SENP7: variants seen among roughly 807,000 people sequenced by gnomAD.
SENP7 encodes the protein SUMO specific peptidase 7.
Under a neutral mutation model 141.2 loss-of-function variants are expected in SENP7, and 64 were observed. The ratio of observed to expected loss-of-function variants is 0.45; its 90% CI spans 0.37 to 0.56. SENP7 has a LOEUF of 0.56. Among genes scored for constraint, SENP7 ranks in the 20% least tolerant of loss-of-function variants. The pLI is 0.00. For missense variants in SENP7, 1,025 were observed against 1,212.2 expected, an observed-to-expected ratio of 0.85 and a Z score of 2.29; for synonymous variants, 382 against 426.4, an observed-to-expected ratio of 0.90 and a Z score of 1.28.
intron 23 of SENP7, among the ~76,000 whole-genome samples, chr3:101,326,914 T>TAC (rs2058915464): frequency 6.6e-6 from 1 of 151,780 alleles, no homozygotes; most frequent in Admixed American, 6.6e-5. Flanking sequence ...CTCTGGGCTA[T>TAC]AGCTGGAGTT....
At chr3:101,417,417 A>G (rs562281271) in intron 5 of SENP7, among the ~76,000 whole-genome samples, 176 bp downstream of exon 5, 9 of 152,286 alleles carry the variant, frequency 5.9e-5, no homozygotes, top group African/African-American at 2.2e-4. Flanking sequence ...AAGTACAGAA[A>G]CATCAGCTAA....
At chr3:101,485,843 T>C (rs2064704095) in intron 3 of SENP7, among the ~76,000 whole-genome samples, 1 of 151,638 alleles carries the variant, frequency 6.6e-6, no homozygotes, top group African/African-American at 2.4e-5. Flanking sequence ...TGAAGTCCAA[T>C]GCAAGGAAAT....
intron 3 of SENP7, among the ~76,000 whole-genome samples, chr3:101,472,743 C>T (rs375705201): frequency 2.0e-5 from 3 of 152,014 alleles, no homozygotes; most frequent in East Asian, 3.9e-4. Flanking sequence ...AAATCATTAA[C>T]AAAATGAGTA....
At chr3:101,480,664 G>A (rs1416588893) in intron 3 of SENP7, among the ~76,000 whole-genome samples, 4 of 152,036 alleles carry the variant, frequency 2.6e-5, no homozygotes, top group Non-Finnish European at 5.9e-5. Context: ...CTTCTGTACG[G>A]CTAAGGAAAC....
chr3:101,358,407 T>C (rs2059801812), intron 11 of SENP7: 1 of 445,992 alleles, frequency 2.2e-6, no homozygotes, highest in Non-Finnish European at 4.3e-6. Context: ...AGATAATTTA[T>C]ACTGGAGAGA....
At chr3:101,401,694 A>G (rs1406508091) in intron 5 of SENP7, among the ~76,000 whole-genome samples, 2 of 152,212 alleles carry the variant, frequency 1.3e-5, no homozygotes, top group Non-Finnish European at 2.9e-5. Flanking sequence ...AACTCAGAGC[A>G]AGATACTCTC....
chr3:101,513,037 C>T lies in SENP7; in HGVS notation c.40+54G>A. 7 of 1,594,540 alleles carry T rather than the reference C, an allele frequency of 4.4e-6. No individual in the cohort carries two copies. The South Asian group carries it at 7.7e-5, about 18-fold the overall frequency. The stretch of plus-strand genomic sequence containing the variant: ...AACCCCAGCTGCCGCCTGCGCCTCC[C>T]GTTTCCCCCGGGTAGGAGACAATAT... On this transcript the variant is annotated intron_variant, in intron 1 of 23. Coordinates refer to ENST00000394095, the MANE Select transcript of SENP7 (RefSeq NM_020654.5).
chr3:101,364,801 T>C (rs376916670), intron 10 of SENP7, 33 bp downstream of exon 10: 10 of 1,427,348 alleles, frequency 7.0e-6, no homozygotes, highest in Non-Finnish European at 9.6e-6. Flanking sequence ...GTACATTTCA[T>C]TGTTAATCTA....
intron 3 of SENP7, among the ~76,000 whole-genome samples, chr3:101,493,469 G>A (rs1038718957): frequency 1.1e-4 from 16 of 152,108 alleles, no homozygotes; most frequent in Non-Finnish European, 2.2e-4. Context: ...GCTTAAAAAT[G>A]AGATAAAGTC....
At chr3:101,372,632 T>G (rs2060212601) in intron 6 of SENP7, among the ~76,000 whole-genome samples, 1 of 151,880 alleles carries the variant, frequency 6.6e-6, no homozygotes, top group Non-Finnish European at 1.5e-5. Flanking sequence ...AATAACAAAT[T>G]TTGGAATGAT....
chr3:101,384,400 GC>G (rs1390533641), intron 6 of SENP7, among the ~76,000 whole-genome samples: 1 of 152,242 alleles, frequency 6.6e-6, no homozygotes, highest in Non-Finnish European at 1.5e-5. Context: ...CCTTAAGGGA[GC>G]CCACCTAAGA....
At chr3:101,497,891 T>C (rs936113796) in intron 2 of SENP7, among the ~76,000 whole-genome samples, 2 of 152,146 alleles carry the variant, frequency 1.3e-5, no homozygotes, top group African/African-American at 4.8e-5. Context: ...CAGCCTCAAC[T>C]CCCCTGGCTC....
Position 101,429,410 on chromosome 3 carries a change from T to A in SENP7, c.285-11620A>T, listed in dbSNP as rs368754630. ...GTTCTCCGTGAAGAGGTCCTTCACA[T>A]CCCTTGTAAGTTGGATTCCTAGGTA... is the stretch of plus-strand genomic sequence containing the variant. On this transcript the variant is annotated intron_variant, in intron 4 of 23. Coordinates refer to ENST00000394095, the MANE Select transcript of SENP7 (RefSeq NM_020654.5). Among the ~76,000 whole-genome samples the A allele has an allele frequency of 9.2e-5, 14 of 152,324 alleles. No homozygotes were observed. In the South Asian group the frequency reaches 2.5e-3, roughly 27 times the overall value.
At chr3:101,387,946 ACTGTCTGGGAGCCTAGGCATAGG>A (rs143635848) in intron 6 of SENP7, among the ~76,000 whole-genome samples, 19,486 of 152,114 alleles carry the variant, frequency 0.13, 1,309 homozygotes, top group South Asian at 0.18. Flanking sequence ...CCTGACATGC[ACTGTCTGGGAGCCTAGGCATAGG>A]CCCACCCAGC....
At chr3:101,468,938 A>C (rs2063867131) in intron 3 of SENP7, among the ~76,000 whole-genome samples, 1 of 152,204 alleles carries the variant, frequency 6.6e-6, no homozygotes, top group Non-Finnish European at 1.5e-5. Flanking sequence ...ACTGATGGGA[A>C]GACCCATTAG....
rs2058880991 is a variant in SENP7 at position 101,325,640 on chromosome 3, A to C, written c.*303T>G. The stretch of plus-strand genomic sequence containing the variant: ...GATCATGTAAGTTTTATTATCTACA[A>C]AACATTCCCATATTACATATGCTGT... On this transcript the variant is annotated 3_prime_UTR_variant, in exon 24 of 24. Transcript: ENST00000394095. 6.1e-6 allele frequency: 1 copy of C among 163,288 alleles called. No homozygotes were observed. The highest frequency in any genetic ancestry group is 1.3e-5 in the Non-Finnish European group (1 of 75,510). The allele number at this position is 163,288 out of a possible 1,614,324, so 10.1% of individuals were successfully genotyped here. A position where few individuals can be genotyped will look rare whatever the true frequency, so the allele number is the denominator to read the frequency against.
chr3:101,383,228 C>T (rs572255209), intron 6 of SENP7, among the ~76,000 whole-genome samples: 2 of 152,274 alleles, frequency 1.3e-5, no homozygotes, highest in Admixed American at 1.3e-4. Flanking sequence ...GCAGCCTCCC[C>T]ACTCTTTCTC....
intron 13 of SENP7, among the ~76,000 whole-genome samples, chr3:101,347,085 G>C (rs1444008345): frequency 1.3e-5 from 2 of 151,940 alleles, no homozygotes; most frequent in African/African-American, 4.8e-5. Context: ...TGCCAGGTAT[G>C]GTGCTGCACC....
chr3:101,344,076 G>T, intron 13 of SENP7, 122 bp from the exon 14 acceptor site: 2 of 746,096 alleles, frequency 2.7e-6, no homozygotes, highest in Non-Finnish European at 2.0e-6. Context: ...TGTATTTTAG[G>T]TAATAACCAA....
Sources: gnomAD v4.1 joint callset for allele counts (sites outside exome capture counted in the v4.1 genomes callset) on GRCh38, gnomAD v4.1.1 for gene constraint, MANE v1.5 for transcripts, NCBI Gene and HGNC (gene_info 2026-07-23, HGNC 2026-07-21) for gene names.